The following NEK1 variants were observed in gnomAD, a reference collection of about 807,000 sequenced individuals.
The protein encoded by NEK1 is NIMA related kinase 1.
NEK1 carries 137 observed loss-of-function variants against 182.1 expected under a neutral mutation model. The observed-to-expected ratio is 0.75, with a 90% CI of 0.65 to 0.87. The LOEUF is 0.87. Among genes scored for constraint, NEK1 ranks in the 40% least tolerant of loss-of-function variants. The probability of loss-of-function intolerance (pLI) is 0.00; values close to 1 mark genes in which losing one functional copy is unlikely to be tolerated. For missense variants in NEK1, 1,391 were observed against 1,494.4 expected (o/e 0.93, Z 1.14); for synonymous variants, 513 against 492.2 (o/e 1.04, Z -0.56).
chr4:169,410,982 CTGCCACAGAGTGTG>C lies in NEK1; in HGVS notation c.3223-4249_3223-4236del, dbSNP rs1477698495. On this transcript the variant is annotated intron_variant, in intron 31 of 35. Transcript: ENST00000507142. ...TTCCTGTTCTCTTTCTCAGATCTGC[CTGCCACAGAGTGTG>C]TGCGTGCGTATCCTGTTTCCCTTCT... Among the ~76,000 whole-genome samples, 3 of 152,200 alleles carry C rather than the reference CTGCCACAGAGTGTG, an allele frequency of 2.0e-5. No individual in the cohort carries two copies. The East Asian group carries it at 5.8e-4, about 29-fold the overall frequency.
At chr4:169,409,703 G>C (rs1463911942) in intron 31 of NEK1, among the ~76,000 whole-genome samples, 1 of 151,954 alleles carries the variant, frequency 6.6e-6, no homozygotes, top group Non-Finnish European at 1.5e-5. Context: ...AGGAGGCGGA[G>C]GTTGTAGTGA....
At chr4:169,451,391 G>A (rs1227684614) in intron 27 of NEK1, among the ~76,000 whole-genome samples, 5 of 152,098 alleles carry the variant, frequency 3.3e-5, no homozygotes, top group East Asian at 3.9e-4. Flanking sequence ...TGGAAGTAAA[G>A]CACTCCTCAG....
At chr4:169,457,837 CAG>C (rs1743211362) in intron 27 of NEK1, among the ~76,000 whole-genome samples, 1 of 151,264 alleles carries the variant, frequency 6.6e-6, no homozygotes, top group African/African-American at 2.4e-5. Context: ...CTAAAACTGA[CAG>C]GGGAAAAAAA....
intron 12 of NEK1, among the ~76,000 whole-genome samples, chr4:169,565,887 G>A (rs534479217): frequency 1.1e-4 from 16 of 152,256 alleles, no homozygotes; most frequent in African/African-American, 1.7e-4. Flanking sequence ...TGTGCAGATC[G>A]TTATGCAACT....
intron 2 of NEK1, among the ~76,000 whole-genome samples, chr4:169,603,759 G>A (rs1253496017): frequency 4.8e-5 from 7 of 147,298 alleles, no homozygotes; most frequent in Non-Finnish European, 8.9e-5. Flanking sequence ...AGGATGGAGT[G>A]CAGTCACACG....
At position 169,564,559 on chromosome 4, in the gene NEK1, C is replaced by A. The variant is rs78598136; in HGVS notation, c.1021-2363G>T. Among the ~76,000 whole-genome samples, 1,030 of 152,036 alleles carry A rather than the reference C, an allele frequency of 6.8e-3. 11 individuals are homozygous for A. Among genetic ancestry groups the A allele is most frequent in the African/African-American group, 0.024 (996 of 41,494 alleles). On this transcript the variant is annotated intron_variant, in intron 12 of 35. Coordinates refer to ENST00000507142, the MANE Select transcript of NEK1 (RefSeq NM_001199397.3). ...TCAAAATATTACAAAATAAACATGACCCTCACATCATTTTTGAAATAAATG... is the reference window on the plus strand; with the variant it reads ...TCAAAATATTACAAAATAAACATGAACCTCACATCATTTTTGAAATAAATG...
intron 19 of NEK1, among the ~76,000 whole-genome samples, chr4:169,512,059 A>G (rs1353278160): frequency 6.6e-6 from 1 of 152,082 alleles, no homozygotes; most frequent in African/African-American, 2.4e-5. Context: ...TGCTATTACA[A>G]ATAAAGTTTC....
chr4:169,544,927 A>C (rs554379177), intron 18 of NEK1, among the ~76,000 whole-genome samples: 1 of 151,662 alleles, frequency 6.6e-6, no homozygotes, highest in South Asian at 2.1e-4. Context: ...TTAAAAAAAA[A>C]CCAGCTCCTG....
In NEK1 at chr4:169,424,582, T is replaced by C. The variant is rs371084271; in HGVS notation, c.3193A>G (p.Thr1065Ala). The change falls in exon 31 of 36, where the codon ACT (threonine) becomes GCT (alanine). Residue 1065 changes from threonine to alanine, a missense_variant. Thr to Ala is a moderately conservative substitution (Grantham distance 58). Around this residue, in one of 5 missense-constraint regions of NEK1, gnomAD observed 1,216 missense variants for 1,277.6 expected, o/e 0.95. Coordinates refer to ENST00000507142, the MANE Select transcript of NEK1 (RefSeq NM_001199397.3). The stretch of plus-strand genomic sequence containing the variant: ...GGGTTGTTTGCATCAAACAGACCAG[T>C]TGAAAGTCCAATCAGCAAGGAATTC... Reference protein sequence around the residue: ...NKNSLLIGLSTGLFDANNPKM... With the variant: ...NKNSLLIGLSAGLFDANNPKM... The C allele has an allele frequency of 4.5e-4, 720 of 1,610,152 alleles. No individual in the cohort carries two copies. Among genetic ancestry groups the C allele is most frequent in the African/African-American group, 8.4e-4 (63 of 75,022 alleles).
In NEK1 at chr4:169,401,748, T is replaced by C. The variant is rs1167508538; in HGVS notation, c.3487A>G (p.Asn1163Asp). 1.2e-5 allele frequency: 19 copies of C among 1,613,942 alleles called. No individual in the cohort carries two copies. Among genetic ancestry groups the C allele is most frequent in the Non-Finnish European group, 1.5e-5 (18 of 1,179,840 alleles). ...YSEEEESVLK[N>D]SDVEPTANGT... ...TTTGCAGTTGGCTCCACATCACTGT[T>C]CTTCAAGACTGACTCTTCTTCTTCA... Residue 1163 changes from asparagine (N) to aspartate (D), a missense_variant, in exon 33 of 36, where the codon AAC (asparagine) becomes GAC (aspartate). Around this residue, in one of 5 missense-constraint regions of NEK1, gnomAD observed 1,216 missense variants for 1,277.6 expected, o/e 0.95. Transcript: ENST00000507142.
intron 23 of NEK1, among the ~76,000 whole-genome samples, chr4:169,493,633 A>G (rs961386617): frequency 6.6e-6 from 1 of 152,240 alleles, no homozygotes; most frequent in Non-Finnish European, 1.5e-5. Flanking sequence ...CACTATGGGA[A>G]TTTCAAAATA....
Position 169,460,181 on chromosome 4 carries a change from C to T in NEK1, c.2587+3062G>A, listed in dbSNP as rs138906718. Reference sequence around the variant, plus strand: ...CTCAATTTTGCTACGTGTATTAGTCCGTTTTCATGCTGCTGATAAGGACAT... The same window carrying T: ...CTCAATTTTGCTACGTGTATTAGTCTGTTTTCATGCTGCTGATAAGGACAT... On this transcript the variant is annotated intron_variant, in intron 27 of 35. Transcript: ENST00000507142. Among the ~76,000 whole-genome samples, 82 of 152,026 alleles carry T rather than the reference C, an allele frequency of 5.4e-4. 2 individuals carry two copies. The highest frequency in any genetic ancestry group is 2.1e-4 in the South Asian group (1 of 4,814).
intron 19 of NEK1, among the ~76,000 whole-genome samples, chr4:169,534,447 C>T (rs1758144397): frequency 6.6e-6 from 1 of 152,210 alleles, no homozygotes; most frequent in South Asian, 2.1e-4. Flanking sequence ...ATTTCCAGGA[C>T]AGAGTTGCAA....
At chr4:169,485,959 T>C (rs1247207011) in intron 23 of NEK1, among the ~76,000 whole-genome samples, 3 of 151,832 alleles carry the variant, frequency 2.0e-5, no homozygotes, top group Non-Finnish European at 2.9e-5. Flanking sequence ...GGCAGGAGGA[T>C]CCCTTGAGCC....
At chr4:169,467,001 C>G (rs1214227900) in intron 26 of NEK1, among the ~76,000 whole-genome samples, 2 of 152,010 alleles carry the variant, frequency 1.3e-5, no homozygotes, top group East Asian at 3.9e-4. Flanking sequence ...AAGACCAACC[C>G]CCCAACTTCC....
At chr4:169,507,446 T>C (rs1580324373) in intron 22 of NEK1, among the ~76,000 whole-genome samples, 1 of 152,152 alleles carries the variant, frequency 6.6e-6, no homozygotes, top group Non-Finnish European at 1.5e-5. Flanking sequence ...TGTATATTCG[T>C]ATATTTTTTA....
intron 18 of NEK1, among the ~76,000 whole-genome samples, chr4:169,548,145 G>A (rs1363235859): frequency 6.6e-6 from 1 of 152,194 alleles, no homozygotes; most frequent in Non-Finnish European, 1.5e-5. Context: ...GCGACCTTCA[G>A]ATGGGGTCTC....
At chr4:169,522,988 G>T (rs1756336875) in intron 19 of NEK1, among the ~76,000 whole-genome samples, 1 of 152,148 alleles carries the variant, frequency 6.6e-6, no homozygotes, top group Non-Finnish European at 1.5e-5. Context: ...AAGTCCCGAG[G>T]TCTCTAGCCA....
intron 23 of NEK1, among the ~76,000 whole-genome samples, chr4:169,486,221 T>C (rs1749018147): frequency 6.6e-6 from 1 of 152,172 alleles, no homozygotes; most frequent in South Asian, 2.1e-4. Context: ...GGTTCATAAA[T>C]TTAAGGCTTT....
Sources: allele counts gnomAD v4.1 joint callset (sites outside exome capture counted in the v4.1 genomes callset), GRCh38; gene constraint gnomAD v4.1.1; regional missense constraint gnomAD v4.1.1; transcripts MANE v1.5; gene names NCBI Gene and HGNC (gene_info 2026-07-23, HGNC 2026-07-21).